Variants in ANKRD53 observed in about 807,000 individuals in gnomAD.
ANKRD53 encodes the protein ankyrin repeat domain-containing protein 53.
In ANKRD53, 27 loss-of-function variants were observed where a neutral mutation model predicts 30.1. The observed-to-expected ratio is 0.90, with a 90% CI of 0.66 to 1.24. The LOEUF is 1.24. Ranked by LOEUF, ANKRD53 falls within the 50% of genes most tolerant of loss-of-function variation. The probability of loss-of-function intolerance (pLI) is 0.00; values close to 1 mark genes in which losing one functional copy is unlikely to be tolerated. For synonymous variants in ANKRD53, 286 were observed against 295.4 expected, an observed-to-expected ratio of 0.97 and a Z score of 0.33; for missense variants, 682 against 721.0, an observed-to-expected ratio of 0.95 and a Z score of 0.62.
Position 70,985,497 on chromosome 2 carries a change from C to CG in ANKRD53, c.*197_*198insG, listed in dbSNP as rs1254089507. 5.1e-6 allele frequency: 3 copies of CG among 583,804 alleles called. No homozygotes were observed. The highest frequency in any genetic ancestry group is 2.1e-5 in the South Asian group (1 of 47,080). The allele number at this position is 583,804 out of a possible 1,614,324, so 36.2% of individuals were successfully genotyped here. ...TGCAAATAAATCTCTTGGCACCCCC[C>CG]CACCGCCGCCAGGAAATCCAAGTTA... On this transcript the variant is annotated 3_prime_UTR_variant, in exon 6 of 6. Coordinates refer to ENST00000360589, the MANE Select transcript of ANKRD53 (RefSeq NM_001115116.2).
chr2:70,982,056 AC>A lies in ANKRD53; in HGVS notation c.741del (p.Ile248LeufsTer16), dbSNP rs1558688531. The stretch of plus-strand genomic sequence containing the variant: ...ATGCCCAAGATGCCATGGGCTACAA[AC>A]CCATTGACTTCTGCAAAATATGGAA... ...VHAQDAMGYK[P>X]IDFCKIWNHR... On this transcript the variant is annotated frameshift_variant, in exon 4 of 6. Coordinates refer to ENST00000360589, the MANE Select transcript of ANKRD53 (RefSeq NM_001115116.2). LOFTEE classifies it high-confidence loss of function. The surrounding 1 kb of genome is among the most constrained non-coding windows in gnomAD (Gnocchi z 4.2). The A allele has an allele frequency of 1.2e-6, 2 of 1,613,068 alleles. No individual in the cohort carries two copies. The highest frequency in any genetic ancestry group is 1.1e-5 in the South Asian group (1 of 90,944).
chr2:70,982,996 G>A lies in ANKRD53; in HGVS notation c.903+299G>A, dbSNP rs1368967366. ...CTTTCAGGATGAGAACCTTCAATGA[G>A]ACCAAGGCACTGCCTGTAACTGGGG... On this transcript the variant is annotated intron_variant, in intron 5 of 5. Coordinates refer to ENST00000360589, the MANE Select transcript of ANKRD53 (RefSeq NM_001115116.2). This position sits in a 1 kb window ranked among gnomAD's most constrained non-coding sequence, Gnocchi z 4.2. Among the ~76,000 whole-genome samples the A allele has an allele frequency of 6.6e-6, 1 of 152,188 alleles. No homozygotes were observed. The highest frequency in any genetic ancestry group is 1.5e-5 in the Non-Finnish European group (1 of 68,024).
chr2:70,984,621 A>C lies in ANKRD53; in HGVS notation c.914A>C (p.Lys305Thr), dbSNP rs61751874. The C allele has an allele frequency of 9.7e-4, 1,563 of 1,613,938 alleles. 21 individuals are homozygous for C. The African/African-American group carries it at 0.019, about 20-fold the overall frequency. ...NYLIEYQKEH[K>T]ILREAAIRKW... ...CCTCTGTTGTTGCAGAAAGAGCACA[A>C]AATTCTCAGAGAAGCTGCTATCAGA... Residue 305 changes from lysine to threonine, a missense_variant, in exon 6 of 6, where the codon AAA becomes ACA. Coordinates refer to ENST00000360589, the MANE Select transcript of ANKRD53 (RefSeq NM_001115116.2).
Position 70,982,407 on chromosome 2 carries a change from G to C in ANKRD53, c.783-170G>C. The C allele has an allele frequency of 1.0e-6, 1 of 953,514 alleles. No homozygotes were observed. Among genetic ancestry groups the C allele is most frequent in the South Asian group, 1.8e-5 (1 of 56,358 alleles). The allele number at this position is 953,514 out of a possible 1,614,324, so 59.1% of individuals were successfully genotyped here. ...CAAGGACTTTCGTCTTTCACCTAAA[G>C]GAAGTAGGGAGCCAGAGGGCCCCGG... On this transcript the variant is annotated intron_variant, in intron 4 of 5. Coordinates refer to ENST00000360589, the MANE Select transcript of ANKRD53 (RefSeq NM_001115116.2). This position sits in a 1 kb window ranked among gnomAD's most constrained non-coding sequence, Gnocchi z 4.2.
chr2:70,980,065 C>T (rs1426480850), intron 3 of ANKRD53, among the ~76,000 whole-genome samples: 1 of 152,196 alleles, frequency 6.6e-6, no homozygotes, highest in African/African-American at 2.4e-5. Context: ...CCTATAATCC[C>T]AACACTTTGG....
Position 70,982,167 on chromosome 2 carries a change from C to G in ANKRD53, c.782+67C>G. The stretch of plus-strand genomic sequence containing the variant: ...CCCTCCCCCAGCCTTTTCCCTAGGG[C>G]CCTCACCACAGCTGAGCCTTTAAGG... On this transcript the variant is annotated intron_variant, in intron 4 of 5. Coordinates refer to ENST00000360589, the MANE Select transcript of ANKRD53 (RefSeq NM_001115116.2). The surrounding 1 kb of genome is among the most constrained non-coding windows in gnomAD (Gnocchi z 4.2). 1 of 1,510,210 alleles carries G rather than the reference C, an allele frequency of 6.6e-7. No homozygotes were observed. The highest frequency in any genetic ancestry group is 8.9e-7 in the Non-Finnish European group (1 of 1,122,680). 93.6% of individuals were successfully genotyped at this position (1,510,210 alleles called of 1,614,324 possible).
chr2:70,985,491 A>ACCC lies in ANKRD53; in HGVS notation c.*196_*198dup, dbSNP rs35678252. ...TTTCTCTGCAAATAAATCTCTTGGC[A>ACCC]CCCCCCCACCGCCGCCAGGAAATCC... On this transcript the variant is annotated 3_prime_UTR_variant, in exon 6 of 6. Transcript: ENST00000360589. The ACCC allele has an allele frequency of 2.8e-5, 16 of 569,142 alleles. No individual in the cohort carries two copies. The highest frequency in any genetic ancestry group is 2.7e-4 in the African/African-American group (14 of 51,688). The allele number at this position is 569,142 out of a possible 1,614,324, so 35.3% of individuals were successfully genotyped here. A position where few individuals can be genotyped will look rare whatever the true frequency, so the allele number is the denominator to read the frequency against.
At chr2:70,984,387 G>A in intron 5 of ANKRD53, 1 of 1,565,570 alleles carries the variant, frequency 6.4e-7, no homozygotes, top group Non-Finnish European at 8.6e-7. Context: ...TCCCCACTCA[G>A]CCCAGGGGCT....
chr2:70,982,198 G>T lies in ANKRD53; in HGVS notation c.782+98G>T. On this transcript the variant is annotated intron_variant, in intron 4 of 5. Coordinates refer to ENST00000360589, the MANE Select transcript of ANKRD53 (RefSeq NM_001115116.2). The surrounding 1 kb of genome is among the most constrained non-coding windows in gnomAD (Gnocchi z 4.2). ...CCACAGCTGAGCCTTTAAGGGGAGGGTTGGGAAGCCAGACAGCTGGAGGAT... is the reference window on the plus strand; with the variant it reads ...CCACAGCTGAGCCTTTAAGGGGAGGTTTGGGAAGCCAGACAGCTGGAGGAT... The T allele has an allele frequency of 7.1e-7, 1 of 1,400,514 alleles. No individual in the cohort carries two copies. The highest frequency in any genetic ancestry group is 1.5e-5 in the South Asian group (1 of 68,052). 86.8% of individuals were successfully genotyped at this position (1,400,514 alleles called of 1,614,324 possible).
At position 70,981,907 on chromosome 2, in the gene ANKRD53, C is replaced by G. The variant is rs557572514; in HGVS notation, c.618-29C>G. 3 of 1,525,268 alleles carry G rather than the reference C, an allele frequency of 2.0e-6. No individual in the cohort carries two copies. The African/African-American group carries it at 4.2e-5, about 21-fold the overall frequency. 94.5% of individuals were successfully genotyped at this position (1,525,268 alleles called of 1,614,324 possible). ...ATGCTCTTTGTCTTTCCTTTCTGCC[C>G]TTATCCCCACTGGTGGGGCCTTCCA... is the stretch of plus-strand genomic sequence containing the variant. On this transcript the variant is annotated intron_variant, in intron 3 of 5. Coordinates refer to ENST00000360589, the MANE Select transcript of ANKRD53 (RefSeq NM_001115116.2).
rs1375604994 is a variant in ANKRD53 at position 70,979,265 on chromosome 2, C to T, written c.339C>T (p.Phe113=). The change falls in exon 2 of 6, where the codon TTC becomes TTT. Residue 113 remains phenylalanine (F), a synonymous_variant. Transcript: ENST00000360589. ...CGATCGGGAGCTACTACCAGCTGTTCGCAGCGGCTGTGGGCAACGTGGAAT... is the reference window on the plus strand; with the variant it reads ...CGATCGGGAGCTACTACCAGCTGTTTGCAGCGGCTGTGGGCAACGTGGAAT... The part of the protein sequence containing the change: ...QTAIGSYYQL[F]AAAVGNVEWL... 6.2e-7 allele frequency: 1 copy of T among 1,613,628 alleles called. No homozygotes were observed. Among genetic ancestry groups the T allele is most frequent in the Non-Finnish European group, 8.5e-7 (1 of 1,180,054 alleles).
In ANKRD53 at chr2:70,981,994, T is replaced by C; in HGVS notation, c.676T>C (p.Cys226Arg). The change falls in exon 4 of 6, where the codon TGT becomes CGT. Residue 226 changes from cysteine to arginine, a missense_variant. Coordinates refer to ENST00000360589, the MANE Select transcript of ANKRD53 (RefSeq NM_001115116.2). The stretch of plus-strand genomic sequence containing the variant: ...GGCAGCCCGTGACGGCTTGCTGGAC[T>C]GTGTGAAGGTCCTGGTGCAGAGTGG... ...HLAARDGLLDCVKVLVQSGAN... is the reference protein window; with the variant it reads ...HLAARDGLLDRVKVLVQSGAN... The C allele has an allele frequency of 6.2e-7, 1 of 1,612,932 alleles. No homozygotes were observed. The highest frequency in any genetic ancestry group is 8.5e-7 in the Non-Finnish European group (1 of 1,179,448).
rs3796099 is a variant in ANKRD53 at position 70,984,859 on chromosome 2, A to G, written c.1152A>G (p.Thr384=). The part of the protein sequence containing the change: ...IYRKPTVKRP[T]MWNVSNNPAR... Reference sequence around the variant, plus strand: ...GGAAGCCCACGGTCAAGCGGCCCACAATGTGGAATGTTAGCAACAACCCCG... The same window carrying G: ...GGAAGCCCACGGTCAAGCGGCCCACGATGTGGAATGTTAGCAACAACCCCG... The change falls in exon 6 of 6, where the codon ACA becomes ACG. Residue 384 remains threonine, a synonymous_variant. Transcript: ENST00000360589. The G allele has an allele frequency of 0.64, 989,396 of 1,551,242 alleles. 318,679 individuals carry two copies. The highest frequency in any genetic ancestry group is 0.82 in the African/African-American group (60,234 of 73,102).
In ANKRD53 at chr2:70,978,733, C is replaced by T. The variant is rs1553422833; in HGVS notation, c.88C>T (p.Pro30Ser). ...RGEGRGARPQ[P>S]TPSGSMQQAN... ...AGAAGGGAGAGGTGCTCGGCCGCAGCCAACTCCAAGTGGCTCCATGCAGCA... is the reference window on the plus strand; with the variant it reads ...AGAAGGGAGAGGTGCTCGGCCGCAGTCAACTCCAAGTGGCTCCATGCAGCA... The change falls in exon 1 of 6, where the codon CCA becomes TCA. Residue 30 changes from proline to serine, a missense_variant. Coordinates refer to ENST00000360589, the MANE Select transcript of ANKRD53 (RefSeq NM_001115116.2). The surrounding 1 kb of genome is among the most constrained non-coding windows in gnomAD (Gnocchi z 4.3). 1 of 1,557,692 alleles carries T rather than the reference C, an allele frequency of 6.4e-7. No homozygotes were observed. The highest frequency in any genetic ancestry group is 2.4e-5 in the East Asian group (1 of 42,320).
In ANKRD53 at chr2:70,981,913, C is replaced by A. The variant is rs782662830; in HGVS notation, c.618-23C>A. ...TTTGTCTTTCCTTTCTGCCCTTATC[C>A]CCACTGGTGGGGCCTTCCACAGTCA... On this transcript the variant is annotated intron_variant, in intron 3 of 5. Transcript: ENST00000360589. 5 of 1,534,796 alleles carry A rather than the reference C, an allele frequency of 3.3e-6. No individual in the cohort carries two copies. In the Admixed American group the frequency reaches 1.0e-4, roughly 32 times the overall value.
rs1374432100 is a variant in ANKRD53, at chr2:70,982,838, G to A, written c.903+141G>A. On this transcript the variant is annotated intron_variant, in intron 5 of 5. Transcript: ENST00000360589. This position sits in a 1 kb window ranked among gnomAD's most constrained non-coding sequence, Gnocchi z 4.2. ...CCACCCTTTCGCCTGTACTCCCACC[G>A]GGTACTCTGACTGAAATTCCGCTCT... is the stretch of plus-strand genomic sequence containing the variant. 2.6e-5 allele frequency: 30 copies of A among 1,138,256 alleles called. No homozygotes were observed. Among genetic ancestry groups the A allele is most frequent in the Non-Finnish European group, 3.3e-5 (28 of 836,398 alleles). 70.5% of individuals were successfully genotyped at this position (1,138,256 alleles called of 1,614,324 possible).
At chr2:70,978,552 C>G, upstream of ANKRD53, 2 of 1,360,100 alleles carry the variant, frequency 1.5e-6, no homozygotes, top group Non-Finnish European at 1.9e-6. The surrounding 1 kb of genome is among the most constrained non-coding windows in gnomAD (Gnocchi z 4.3). Context: ...GGCCGGGAAA[C>G]CGCGGCCAGC....
At chr2:70,978,576 C>A (rs1669894584), upstream of ANKRD53, 2 of 1,409,262 alleles carry the variant, frequency 1.4e-6, no homozygotes, top group Non-Finnish European at 1.8e-6. This position sits in a 1 kb window ranked among gnomAD's most constrained non-coding sequence, Gnocchi z 4.3. Flanking sequence ...CAAGGAGTGG[C>A]CCCCGGGGGC....
rs1169146103 is a variant in ANKRD53, at chr2:70,984,931, G to C, written c.1224G>C (p.Leu408=). 9 of 1,550,816 alleles carry C rather than the reference G, an allele frequency of 5.8e-6. No individual in the cohort carries two copies. The East Asian group carries it at 2.2e-4, about 38-fold the overall frequency. The change falls in exon 6 of 6, where the codon CTG becomes CTC. Residue 408 remains leucine (L), a synonymous_variant. Coordinates refer to ENST00000360589, the MANE Select transcript of ANKRD53 (RefSeq NM_001115116.2). ...TQISHSQGIR[L]GVHPDPTPEH... ...TCAGCCACTCGCAGGGCATCCGCCTGGGCGTGCATCCAGACCCCACTCCGG... is the reference window on the plus strand; with the variant it reads ...TCAGCCACTCGCAGGGCATCCGCCTCGGCGTGCATCCAGACCCCACTCCGG...
Sources: gnomAD v4.1 joint callset for allele counts (sites outside exome capture counted in the v4.1 genomes callset) on GRCh38, gnomAD v4.1.1 for gene constraint, Gnocchi (gnomAD v3.1) non-coding constraint, MANE v1.5 for transcripts, NCBI Gene and HGNC (gene_info 2026-07-23, HGNC 2026-07-21) for gene names.